Variants in FRMD4B observed in about 807,000 individuals in gnomAD.
FRMD4B encodes FERM domain containing 4B, also known as FERM domain-containing protein 4B.
In FRMD4B, 74 loss-of-function variants were observed where a neutral mutation model predicts 141.5. That is an observed-to-expected ratio of 0.52 (90% CI 0.43 to 0.63). The LOEUF is 0.63. FRMD4B is among the 30% of genes least tolerant of loss of function. FRMD4B has a pLI of 0.00. For synonymous variants in FRMD4B, 506 were observed against 467.9 expected, an observed-to-expected ratio of 1.08 and a Z score of -1.05; for missense variants, 1,366 against 1,253.4, an observed-to-expected ratio of 1.09 and a Z score of -1.36.
chr3:69,249,093 C>T (rs572472066), intron 7 of FRMD4B, 133 bp downstream of exon 7: 42 of 597,738 alleles, frequency 7.0e-5, no homozygotes, highest in Middle Eastern at 4.4e-4. Context: ...ATTTGAAGAG[C>T]GAAGAGATCT....
chr3:69,477,772 A>T, intron 1 of FRMD4B, among the ~76,000 whole-genome samples: 1 of 149,536 alleles, frequency 6.7e-6, no homozygotes, highest in Non-Finnish European at 1.5e-5. Flanking sequence ...TAGTTTCAGA[A>T]GGAATGGTAC....
intron 1 of FRMD4B, chr3:69,536,382 G>A: frequency 1.4e-6 from 1 of 708,910 alleles, no homozygotes; most frequent in South Asian, 1.5e-5. Flanking sequence ...GGAGGCTGCG[G>A]CACATGCCAG....
At chr3:69,367,769 A>C (rs1435017608) in intron 1 of FRMD4B, among the ~76,000 whole-genome samples, 1 of 152,188 alleles carries the variant, frequency 6.6e-6, no homozygotes, top group Admixed American at 6.5e-5. Context: ...AAATATGAAA[A>C]TCCTTGCACG....
At position 69,380,654 on chromosome 3, in the gene FRMD4B, G is replaced by A. The variant is rs140129846; in HGVS notation, c.162+5174C>T. ...TCAAGTTGAGCCTACAGACTCTGCC[G>A]TGTTCTGTGCTCTATGCTACCCCCT... is the stretch of plus-strand genomic sequence containing the variant. On this transcript the variant is annotated intron_variant, in intron 1 of 22. Transcript: ENST00000398540. Among the ~76,000 whole-genome samples the A allele has an allele frequency of 6.6e-5, 10 of 152,294 alleles. 1 individual carries two copies. Among genetic ancestry groups the A allele is most frequent in the East Asian group, 3.9e-4 (2 of 5,174 alleles).
chr3:69,258,733 T>C (rs2093508064), intron 5 of FRMD4B, among the ~76,000 whole-genome samples: 1 of 152,164 alleles, frequency 6.6e-6, no homozygotes, highest in Non-Finnish European at 1.5e-5. Context: ...AGGTACAAAT[T>C]ATGTCCTTCA....
chr3:69,407,212 T>C (rs1704663799), intron 2 of FRMD4B, among the ~76,000 whole-genome samples: 3 of 152,176 alleles, frequency 2.0e-5, no homozygotes, highest in African/African-American at 7.2e-5. Context: ...ATATACATCT[T>C]TTACTGAATG....
At chr3:69,347,840 G>C (rs1280897947) in intron 1 of FRMD4B, among the ~76,000 whole-genome samples, 2 of 152,210 alleles carry the variant, frequency 1.3e-5, no homozygotes, top group Non-Finnish European at 2.9e-5. Context: ...GCAGTGTGTA[G>C]AGGGAAATTT....
chr3:69,490,375 A>T (rs777011762), intron 1 of FRMD4B, among the ~76,000 whole-genome samples: 45 of 152,160 alleles, frequency 3.0e-4, no homozygotes, highest in Non-Finnish European at 4.7e-4. Flanking sequence ...TCTTTTTGTC[A>T]TGAATGCCTT....
At chr3:69,346,732 A>G (rs946212191) in intron 1 of FRMD4B, among the ~76,000 whole-genome samples, 34 of 152,202 alleles carry the variant, frequency 2.2e-4, no homozygotes, top group Non-Finnish European at 7.3e-5. Context: ...AGCCAAACTA[A>G]GCTTCATAAG....
intron 7 of FRMD4B, among the ~76,000 whole-genome samples, chr3:69,241,136 A>T (rs1298061766): frequency 6.6e-6 from 1 of 152,206 alleles, no homozygotes; most frequent in Non-Finnish European, 1.5e-5. Context: ...TAACTGTCTA[A>T]AGATGTATTA....
chr3:69,449,549 A>G (rs1705462070), intron 1 of FRMD4B, among the ~76,000 whole-genome samples: 2 of 152,186 alleles, frequency 1.3e-5, no homozygotes, highest in African/African-American at 4.8e-5. Context: ...CTTCCATCCT[A>G]AAAGGACTCT....
At chr3:69,336,913 C>A (rs935502276) in intron 1 of FRMD4B, among the ~76,000 whole-genome samples, 1 of 152,154 alleles carries the variant, frequency 6.6e-6, no homozygotes, top group Non-Finnish European at 1.5e-5. Flanking sequence ...CACTACACTC[C>A]AGCCTGGGCA....
chr3:69,520,935 T>C (rs991022441), intron 1 of FRMD4B, among the ~76,000 whole-genome samples: 1 of 152,226 alleles, frequency 6.6e-6, no homozygotes, highest in African/African-American at 2.4e-5. Context: ...TCTCTAGTAC[T>C]CTAAATTTTT....
intron 1 of FRMD4B, among the ~76,000 whole-genome samples, chr3:69,540,668 C>T (rs1424419358): frequency 0.038 from 4,219 of 111,602 alleles, 151 homozygotes; most frequent in Non-Finnish European, 0.051. Flanking sequence ...TATACACACA[C>T]ACACACACAC....
intron 18 of FRMD4B, among the ~76,000 whole-genome samples, chr3:69,188,481 A>G (rs1305678200): frequency 6.6e-6 from 1 of 152,202 alleles, no homozygotes; most frequent in Non-Finnish European, 1.5e-5. Flanking sequence ...TATGCACCAT[A>G]AAACTTGGGG....
intron 1 of FRMD4B, among the ~76,000 whole-genome samples, chr3:69,357,935 A>G (rs1703369997): frequency 6.6e-6 from 1 of 152,236 alleles, no homozygotes; most frequent in African/African-American, 2.4e-5. Context: ...ATATTTCTTG[A>G]GCATCAAATA....
Position 69,181,211 on chromosome 3 carries a change from A to G in FRMD4B, c.2539T>C (p.Tyr847His), listed in dbSNP as rs1388625841. 2 of 1,613,968 alleles carry G rather than the reference A, an allele frequency of 1.2e-6. No homozygotes were observed. The highest frequency in any genetic ancestry group is 2.7e-5 in the African/African-American group (2 of 75,028). Residue 847 changes from tyrosine (Y) to histidine (H), a missense_variant, in exon 21 of 23, where the codon TAT becomes CAT. Transcript: ENST00000398540. ...CTGCTGTAGTCCCTCTGGCGCTCATATCCATAGTGGGCTGAGGACCGGTAG... is the reference window on the plus strand; with the variant it reads ...CTGCTGTAGTCCCTCTGGCGCTCATGTCCATAGTGGGCTGAGGACCGGTAG... ...PSYRSSAHYG[Y>H]ERQRDYSRSF...
intron 1 of FRMD4B, among the ~76,000 whole-genome samples, chr3:69,360,524 A>T (rs1310223300): frequency 6.6e-6 from 1 of 152,102 alleles, no homozygotes; most frequent in Non-Finnish European, 1.5e-5. Context: ...CAACTGGTTG[A>T]TATTTTCCTT....
intron 2 of FRMD4B, among the ~76,000 whole-genome samples, chr3:69,392,756 G>A: frequency 6.6e-6 from 1 of 152,030 alleles, no homozygotes; most frequent in East Asian, 1.9e-4. Context: ...CTATGCAGTG[G>A]CAGGCTCCTC....
Sources: gnomAD v4.1 joint callset for allele counts (sites outside exome capture counted in the v4.1 genomes callset) on GRCh38, gnomAD v4.1.1 for gene constraint, MANE v1.5 for transcripts, NCBI Gene and HGNC (gene_info 2026-07-23, HGNC 2026-07-21) for gene names.